BEND6: variants seen among roughly 807,000 people sequenced by gnomAD.
The protein encoded by BEND6 is BEN domain containing 6.
Under a neutral mutation model 31.8 loss-of-function variants are expected in BEND6, and 24 were observed. That is an observed-to-expected ratio of 0.75 (90% CI 0.55 to 1.06). The LOEUF is 1.06. BEND6 is among the 50% of genes least tolerant of loss of function. The probability of loss-of-function intolerance (pLI) is 0.00; values close to 1 mark genes in which losing one functional copy is unlikely to be tolerated. For missense variants in BEND6, 294 were observed against 327.4 expected, an observed-to-expected ratio of 0.90 and a Z score of 0.79; for synonymous variants, 109 against 114.6, an observed-to-expected ratio of 0.95 and a Z score of 0.31.
intron 1 of BEND6, among the ~76,000 whole-genome samples, chr6:56,974,868 C>A (rs1385382824): frequency 1.3e-5 from 2 of 152,174 alleles, no homozygotes; most frequent in South Asian, 4.1e-4. Flanking sequence ...CATCTATAAT[C>A]CCAGCAGTTT....
chr6:57,011,389 A>C (rs1023775418), intron 3 of BEND6, among the ~76,000 whole-genome samples: 1 of 152,318 alleles, frequency 6.6e-6, no homozygotes, highest in South Asian at 2.1e-4. Context: ...TCAGAGGTGC[A>C]TATGAAAATG....
At chr6:56,964,962 C>A (rs1825417949) in intron 1 of BEND6, among the ~76,000 whole-genome samples, 1 of 152,244 alleles carries the variant, frequency 6.6e-6, no homozygotes, top group African/African-American at 2.4e-5. Context: ...CACTTGCATT[C>A]TCCATCCTTA....
intron 1 of BEND6, chr6:56,976,024 A>G (rs1384777292): frequency 2.1e-6 from 1 of 481,894 alleles, no homozygotes; most frequent in Non-Finnish European, 4.2e-6. Context: ...ATTCAGGGAC[A>G]TTCAAGCACT....
chr6:56,966,914 AAAAT>A (rs1355572794), intron 1 of BEND6, among the ~76,000 whole-genome samples: 2 of 152,210 alleles, frequency 1.3e-5, no homozygotes, highest in African/African-American at 4.8e-5. Flanking sequence ...AAGAGCAAAA[AAAAT>A]AAACCCCTTT....
chr6:57,007,047 T>TG (rs1448350610), intron 3 of BEND6, among the ~76,000 whole-genome samples: 1 of 152,118 alleles, frequency 6.6e-6, no homozygotes, highest in African/African-American at 2.4e-5. Flanking sequence ...CCTAACACTT[T>TG]GGGGGGCCGA....
chr6:57,004,420 C>T, intron 3 of BEND6: 1 of 560,572 alleles, frequency 1.8e-6, no homozygotes. Context: ...CAGCCCTCAT[C>T]CCCCCACCCC....
intron 3 of BEND6, chr6:57,013,692 G>C (rs1827427767): frequency 1.3e-5 from 2 of 152,480 alleles, no homozygotes; most frequent in Admixed American, 1.3e-4. Flanking sequence ...AAATTCCAAG[G>C]AACAGTTACT....
At chr6:56,961,618 T>C (rs1042324175) in intron 1 of BEND6, among the ~76,000 whole-genome samples, 8 of 152,222 alleles carry the variant, frequency 5.3e-5, no homozygotes, top group African/African-American at 1.9e-4. Flanking sequence ...TCCAAGCCAA[T>C]AGGACTAGTC....
At chr6:56,973,428 C>A (rs1012361590) in intron 1 of BEND6, among the ~76,000 whole-genome samples, 14 of 152,118 alleles carry the variant, frequency 9.2e-5, no homozygotes, top group Non-Finnish European at 1.9e-4. Flanking sequence ...GTACCGAACT[C>A]TATATATACT....
intron 1 of BEND6, among the ~76,000 whole-genome samples, chr6:56,972,086 C>CTGTCTTTTTTTTTTTTTTTTTTTTTTTTT (rs1825708870): frequency 3.2e-5 from 2 of 62,530 alleles, no homozygotes; most frequent in Non-Finnish European, 2.8e-5. Flanking sequence ...ACTTTACTTT[C>CTGTCTTTTTTTTTTTTTTTTTTTTTTTTT]TTTTTTTTTT....
intron 1 of BEND6, among the ~76,000 whole-genome samples, chr6:56,967,587 A>G (rs1451484957): frequency 6.6e-6 from 1 of 152,142 alleles, no homozygotes; most frequent in Non-Finnish European, 1.5e-5. Flanking sequence ...ACAGCTAGGG[A>G]AAGGATCTGG....
chr6:56,990,250 T>C (rs1826442932), intron 2 of BEND6, among the ~76,000 whole-genome samples: 1 of 114,088 alleles, frequency 8.8e-6, no homozygotes, highest in East Asian at 3.0e-4. Context: ...CACTCGCTTC[T>C]TTTTTTTTTT....
At position 56,973,173 on chromosome 6, in the gene BEND6, A is replaced by C. The variant is rs1415356436; in HGVS notation, c.-100-8538A>C. On this transcript the variant is annotated intron_variant, in intron 1 of 6. Transcript: ENST00000370746. ...CTTTTCTTTTGACTGTGGAGAAAAGAGCTCTCCACACATTCTGAATTATCA... is the reference window on the plus strand; with the variant it reads ...CTTTTCTTTTGACTGTGGAGAAAAGCGCTCTCCACACATTCTGAATTATCA... Among the ~76,000 whole-genome samples the C allele has an allele frequency of 2.0e-5, 3 of 152,196 alleles. No individual in the cohort carries two copies. The East Asian group carries it at 5.8e-4, about 29-fold the overall frequency.
intron 3 of BEND6, among the ~76,000 whole-genome samples, chr6:57,014,781 T>C (rs1174954329): frequency 6.6e-6 from 1 of 152,146 alleles, no homozygotes; most frequent in Non-Finnish European, 1.5e-5. Flanking sequence ...GAATCAGTAA[T>C]AGCTCCAAAC....
Position 57,018,820 on chromosome 6 carries a change from G to A in BEND6, c.*9+263G>A, listed in dbSNP as rs183695625. On this transcript the variant is annotated intron_variant, in intron 6 of 6. Transcript: ENST00000370746. Reference sequence around the variant, plus strand: ...GCTCATGTGCACCAGAAATCTCTAAGAAAGGGATATAGTATGTAGTGTTTT... The same window carrying A: ...GCTCATGTGCACCAGAAATCTCTAAAAAAGGGATATAGTATGTAGTGTTTT... Among the ~76,000 whole-genome samples the A allele has an allele frequency of 4.8e-3, 738 of 152,318 alleles. 2 individuals are homozygous for A. The highest frequency in any genetic ancestry group is 7.7e-3 in the Non-Finnish European group (523 of 68,038).
intron 3 of BEND6, among the ~76,000 whole-genome samples, chr6:57,007,244 C>A (rs1827190291): frequency 6.6e-6 from 1 of 151,406 alleles, no homozygotes; most frequent in Admixed American, 6.6e-5. Context: ...ACTGTGATCA[C>A]ACCACTGCAC....
intron 2 of BEND6, among the ~76,000 whole-genome samples, chr6:56,988,899 C>T (rs538586257): frequency 3.4e-4 from 51 of 151,942 alleles, no homozygotes; most frequent in Non-Finnish European, 6.3e-4. Flanking sequence ...GGCATGCTGG[C>T]GCGTGCCTGA....
intron 2 of BEND6, among the ~76,000 whole-genome samples, chr6:56,985,142 A>T (rs1350433259): frequency 1.3e-5 from 2 of 152,224 alleles, no homozygotes; most frequent in Non-Finnish European, 2.9e-5. Flanking sequence ...CCAAGGTCTA[A>T]CAAGAATCAA....
intron 1 of BEND6, among the ~76,000 whole-genome samples, chr6:56,965,676 T>TCA (rs1276614901): frequency 7.3e-6 from 1 of 136,556 alleles, no homozygotes; most frequent in Non-Finnish European, 1.6e-5. Context: ...ACAAAAAAAT[T>TCA]TATATATATA....
Sources: allele counts gnomAD v4.1 joint callset (sites outside exome capture counted in the v4.1 genomes callset), GRCh38; gene constraint gnomAD v4.1.1; transcripts MANE v1.5; gene names NCBI Gene and HGNC (gene_info 2026-07-23, HGNC 2026-07-21).